Variants in HDAC9 observed in about 807,000 individuals in gnomAD.
HDAC9 encodes MEF-2 interacting transcription repressor (MITR) protein.
In HDAC9, 41 loss-of-function variants were observed where a neutral mutation model predicts 139.4. That is an observed-to-expected ratio of 0.29 (90% CI 0.23 to 0.38). The LOEUF is 0.38. HDAC9 is among the 10% of genes least tolerant of loss of function. HDAC9 has a pLI of 1.00. For synonymous variants in HDAC9, 517 were observed against 476.2 expected, an observed-to-expected ratio of 1.09 and a Z score of -1.12; for missense variants, 1,147 against 1,297.0, an observed-to-expected ratio of 0.88 and a Z score of 1.78.
intron 1 of HDAC9, among the ~76,000 whole-genome samples, chr7:18,419,779 C>T (rs975350542): frequency 6.6e-6 from 1 of 152,048 alleles, no homozygotes; most frequent in Non-Finnish European, 1.5e-5. Context: ...AAAATATTTC[C>T]ATTTTTATAA....
intron 1 of HDAC9, among the ~76,000 whole-genome samples, chr7:18,379,971 C>G (rs12699977): frequency 0.1 from 15,563 of 152,188 alleles, 1,011 homozygotes; most frequent in South Asian, 0.17. Context: ...CAGAATCGCT[C>G]CTGTTGCTCC....
At chr7:18,431,368 G>C (rs1008526353) in intron 1 of HDAC9, among the ~76,000 whole-genome samples, 1 of 152,158 alleles carries the variant, frequency 6.6e-6, no homozygotes, top group African/African-American at 2.4e-5. Context: ...GTCCCGGCCT[G>C]ATGAAGTCAT....
At chr7:18,990,955 A>T (rs1196159141) in intron 25 of HDAC9, among the ~76,000 whole-genome samples, 1 of 152,188 alleles carries the variant, frequency 6.6e-6, no homozygotes, top group East Asian at 1.9e-4. Flanking sequence ...GGCACTCCCT[A>T]GTGAGATGAA....
chr7:18,761,705 C>A lies in HDAC9; in HGVS notation c.2044-452C>A, dbSNP rs558407371. 1.5e-4 allele frequency among the ~76,000 whole-genome samples: 23 copies of A among 152,240 alleles called. No individual in the cohort carries two copies. The South Asian group carries it at 4.4e-3, about 29-fold the overall frequency. On this transcript the variant is annotated intron_variant, in intron 14 of 25. Coordinates refer to ENST00000686413, the MANE Select transcript of HDAC9 (RefSeq NM_178425.4). ...CACACATGGGAAGTCATTAGCGTAT[C>A]TGTGATCATCAAGTTCATTAAAATG...
rs527348269 is a variant in HDAC9 at position 18,968,696 on chromosome 7, A to C, written c.3023-7110A>C. 4.6e-5 allele frequency among the ~76,000 whole-genome samples: 7 copies of C among 152,274 alleles called. No homozygotes were observed. In the South Asian group the frequency reaches 1.5e-3, roughly 32 times the overall value. ...ACTTTATCCCTGGACGCAGTGGCTC[A>C]CGCCTGTAATCCCAGCACTTTGGGA... is the stretch of plus-strand genomic sequence containing the variant. On this transcript the variant is annotated intron_variant, in intron 24 of 25. Coordinates refer to ENST00000686413, the MANE Select transcript of HDAC9 (RefSeq NM_178425.4).
At chr7:18,157,802 C>G (rs1158796153) in intron 1 of HDAC9, among the ~76,000 whole-genome samples, 1 of 86,222 alleles carries the variant, frequency 1.2e-5, no homozygotes, top group African/African-American at 5.0e-5. Context: ...GGTTCTAAGG[C>G]ATGAGAGAGA....
At chr7:18,089,855 T>C (rs1235133442) in intron 1 of HDAC9, among the ~76,000 whole-genome samples, 1 of 152,152 alleles carries the variant, frequency 6.6e-6, no homozygotes, top group East Asian at 1.9e-4. Context: ...TAGTGAAATA[T>C]TGTAGTTATG....
At chr7:18,213,561 T>A (rs1372326188) in intron 2 of HDAC9, among the ~76,000 whole-genome samples, 1 of 152,138 alleles carries the variant, frequency 6.6e-6, no homozygotes, top group Non-Finnish European at 1.5e-5. Flanking sequence ...CCATGACTGA[T>A]TTTCATCAGC....
intron 12 of HDAC9, among the ~76,000 whole-genome samples, chr7:18,669,367 G>A (rs1795526936): frequency 6.6e-6 from 1 of 151,744 alleles, no homozygotes. Flanking sequence ...AGAGAAAATA[G>A]TAATTAAATG....
intron 2 of HDAC9, among the ~76,000 whole-genome samples, chr7:18,220,818 T>C (rs1347982283): frequency 6.6e-6 from 1 of 152,160 alleles, no homozygotes; most frequent in East Asian, 1.9e-4. Context: ...ACTCTTAAAG[T>C]GAGCTCAGTA....
chr7:18,536,728 A>G (rs971906841), intron 2 of HDAC9, among the ~76,000 whole-genome samples: 1 of 152,152 alleles, frequency 6.6e-6, no homozygotes, highest in Admixed American at 6.5e-5. Flanking sequence ...AACACGTGTG[A>G]ATGTTAAGGT....
At chr7:18,875,844 G>C (rs1172234313) in intron 22 of HDAC9, among the ~76,000 whole-genome samples, 1 of 152,114 alleles carries the variant, frequency 6.6e-6, no homozygotes, top group African/African-American at 2.4e-5. Context: ...GTAAACAGTT[G>C]TCTAAATAAA....
chr7:18,670,716 A>G (rs1795618030), intron 12 of HDAC9, among the ~76,000 whole-genome samples: 2 of 151,982 alleles, frequency 1.3e-5, no homozygotes, highest in African/African-American at 2.4e-5. Context: ...TGTTGGTGCA[A>G]CGATTCTTTA....
chr7:18,504,599 C>T (rs1279842175), intron 2 of HDAC9, among the ~76,000 whole-genome samples: 1 of 152,232 alleles, frequency 6.6e-6, no homozygotes, highest in Non-Finnish European at 1.5e-5. Context: ...GCCGCTGCGC[C>T]CAGCCTAGTT....
chr7:18,964,285 C>T (rs1283803524), intron 24 of HDAC9, among the ~76,000 whole-genome samples: 2 of 152,282 alleles, frequency 1.3e-5, no homozygotes, highest in South Asian at 4.1e-4. Flanking sequence ...GACTACTTAA[C>T]TCCTATACAT....
chr7:18,274,721 G>A (rs1178901359), intron 2 of HDAC9, among the ~76,000 whole-genome samples: 3 of 152,102 alleles, frequency 2.0e-5, no homozygotes, highest in African/African-American at 7.2e-5. Flanking sequence ...ATATTGTCAT[G>A]GACAAATCTC....
chr7:18,672,712 A>G (rs1795738439), intron 12 of HDAC9, among the ~76,000 whole-genome samples: 1 of 151,960 alleles, frequency 6.6e-6, no homozygotes, highest in African/African-American at 2.4e-5. Context: ...TAGGTCTTTG[A>G]TCCATTTTGT....
intron 6 of HDAC9, among the ~76,000 whole-genome samples, 183 bp from the exon 7 acceptor site, chr7:18,629,163 ATAAT>A (rs948434666): frequency 5.9e-5 from 9 of 152,108 alleles, no homozygotes; most frequent in Non-Finnish European, 1.0e-4. Context: ...TTTCATAAAA[ATAAT>A]TGCAATATTT....
chr7:18,185,500 A>G (rs1436886461), intron 2 of HDAC9, among the ~76,000 whole-genome samples: 1 of 152,226 alleles, frequency 6.6e-6, no homozygotes, highest in Non-Finnish European at 1.5e-5. Flanking sequence ...AAGAGGAAAT[A>G]TTGTCTATTA....
Sources: gnomAD v4.1 joint callset for allele counts (sites outside exome capture counted in the v4.1 genomes callset) on GRCh38, gnomAD v4.1.1 for gene constraint, MANE v1.5 for transcripts, NCBI Gene and HGNC (gene_info 2026-07-23, HGNC 2026-07-21) for gene names.